PTTG1IP: variants seen among roughly 807,000 people sequenced by gnomAD.
PTTG1IP encodes the protein pituitary tumor-transforming gene 1 protein-interacting protein.
Under a neutral mutation model 24.4 loss-of-function variants are expected in PTTG1IP, and 16 were observed. The ratio of observed to expected loss-of-function variants is 0.66; its 90% CI spans 0.44 to 1.00. The LOEUF (loss-of-function observed/expected upper bound fraction) is 1.00. Among genes scored for constraint, PTTG1IP ranks in the 50% least tolerant of loss-of-function variants. PTTG1IP has a pLI of 0.00. For missense variants in PTTG1IP, 241 were observed against 245.8 expected, an observed-to-expected ratio of 0.98 and a Z score of 0.13; for synonymous variants, 89 against 96.8, an observed-to-expected ratio of 0.92 and a Z score of 0.47.
chr21:44,856,374 C>T lies in PTTG1IP; in HGVS notation c.278-10G>A, dbSNP rs187049337. ...AGCGCCTCAAAGTTCACTGGAGATT[C>T]AAGCACCTGGAGTTAGGGCCGCCCC... On this transcript the variant is annotated splice_polypyrimidine_tract_variant and intron_variant, in intron 3 of 5. Transcript: ENST00000330938. 1 of 1,605,630 alleles carries T rather than the reference C, an allele frequency of 6.2e-7. No homozygotes were observed. The highest frequency in any genetic ancestry group is 2.2e-5 in the East Asian group (1 of 44,796).
intron 1 of PTTG1IP, among the ~76,000 whole-genome samples, chr21:44,870,545 A>AAG (rs2083577012): frequency 7.6e-6 from 1 of 131,670 alleles, no homozygotes; most frequent in African/African-American, 4.1e-5. Flanking sequence ...AAAAAAAAAA[A>AAG]AAAGAAAGGC....
rs184677887 is a variant in PTTG1IP at position 44,851,105 on chromosome 21, C to G, written c.*476G>C. On this transcript the variant is annotated 3_prime_UTR_variant, in exon 6 of 6. Coordinates refer to ENST00000330938, the MANE Select transcript of PTTG1IP (RefSeq NM_004339.4). ...TCAACAGGTGTGAAGACTCAAGATG[C>G]GCACACAGACGCTGTCCGTGGTTTT... is the stretch of plus-strand genomic sequence containing the variant. 1.6e-5 allele frequency: 7 copies of G among 435,190 alleles called. No individual in the cohort carries two copies. The East Asian group carries it at 2.5e-4, about 16-fold the overall frequency. 27.0% of individuals were successfully genotyped at this position (435,190 alleles called of 1,614,324 possible).
intron 5 of PTTG1IP, 99 bp downstream of exon 5, chr21:44,855,111 C>T: frequency 1.6e-6 from 2 of 1,285,486 alleles, no homozygotes; most frequent in South Asian, 1.2e-5. Context: ...GATGGGTGAA[C>T]CCACAGCCCC....
intron 1 of PTTG1IP, 107 bp from the exon 2 acceptor site, chr21:44,865,554 C>A: frequency 9.0e-7 from 1 of 1,106,474 alleles, no homozygotes; most frequent in Non-Finnish European, 1.4e-6. Flanking sequence ...CACCAAGAAC[C>A]TCTGATGTGG....
chr21:44,864,044 A>T (rs2146465575), intron 2 of PTTG1IP, among the ~76,000 whole-genome samples: 1 of 152,344 alleles, frequency 6.6e-6, no homozygotes, highest in Admixed American at 6.5e-5. Context: ...CATCGAATAC[A>T]TCTTTCCCGG....
chr21:44,871,279 C>G (rs539113059), intron 1 of PTTG1IP, among the ~76,000 whole-genome samples: 4 of 152,334 alleles, frequency 2.6e-5, no homozygotes, highest in South Asian at 4.1e-4. Flanking sequence ...GGAGTCCCCA[C>G]TGTAAGGAGC....
chr21:44,859,928 A>G (rs1025263964), intron 3 of PTTG1IP, among the ~76,000 whole-genome samples: 2 of 152,246 alleles, frequency 1.3e-5, no homozygotes, highest in African/African-American at 2.4e-5. Context: ...AAAAAGAATC[A>G]TCAAAACACC....
chr21:44,868,690 A>G (rs1215679940), intron 1 of PTTG1IP, among the ~76,000 whole-genome samples: 1 of 152,248 alleles, frequency 6.6e-6, no homozygotes, highest in Non-Finnish European at 1.5e-5. Context: ...GAGAAGGCCG[A>G]GTGGCAAATG....
Position 44,855,229 on chromosome 21 carries a change from A to T in PTTG1IP, c.477T>A (p.Asp159Glu), listed in dbSNP as rs1206162158. ...ERRAEMKTRHDEIRKKYGLFK... is the reference protein window; with the variant it reads ...ERRAEMKTRHEEIRKKYGLFK... ...CCTTACCATATTTTTTTCTGATTTC[A>T]TCATGTCTTGTCTTCATCTCTGCTC... The change falls in exon 5 of 6, where the codon GAT becomes GAA. Residue 159 changes from aspartate to glutamate, a missense_variant. Asp to Glu is a conservative substitution (Grantham distance 45). Coordinates refer to ENST00000330938, the MANE Select transcript of PTTG1IP (RefSeq NM_004339.4). 6.2e-7 allele frequency: 1 copy of T among 1,612,732 alleles called. No individual in the cohort carries two copies. Among genetic ancestry groups the T allele is most frequent in the South Asian group, 1.1e-5 (1 of 91,036 alleles).
chr21:44,870,094 G>T (rs1052381152), intron 1 of PTTG1IP, among the ~76,000 whole-genome samples: 2 of 152,142 alleles, frequency 1.3e-5, no homozygotes, highest in African/African-American at 2.4e-5. Flanking sequence ...GAGAAAAACC[G>T]CCCAACATTC....
intron 2 of PTTG1IP, among the ~76,000 whole-genome samples, chr21:44,865,157 T>C (rs2083525673): frequency 6.6e-6 from 1 of 152,196 alleles, no homozygotes; most frequent in Admixed American, 6.5e-5. Context: ...CCCATCTGCA[T>C]AGGAGTGAAA....
intron 1 of PTTG1IP, 82 bp downstream of exon 1, chr21:44,873,420 C>A (rs1601262853): frequency 3.8e-5 from 45 of 1,198,980 alleles, no homozygotes; most frequent in Non-Finnish European, 4.6e-5. Context: ...AGCGCCCTGG[C>A]CGAAACCCCG....
Position 44,851,144 on chromosome 21 carries a change from A to G in PTTG1IP, c.*437T>C. On this transcript the variant is annotated 3_prime_UTR_variant, in exon 6 of 6. Coordinates refer to ENST00000330938, the MANE Select transcript of PTTG1IP (RefSeq NM_004339.4). ...GTCCGTGGTTTTATGGGGAATGATG[A>G]GGGCTGGTCAGTTCTCCTCATGACA... 1.8e-6 allele frequency: 1 copy of G among 543,120 alleles called. No homozygotes were observed. Among genetic ancestry groups the G allele is most frequent in the Non-Finnish European group, 3.2e-6 (1 of 312,610 alleles). 33.6% of individuals were successfully genotyped at this position (543,120 alleles called of 1,614,324 possible).
At chr21:44,872,261 C>G (rs1408258864) in intron 1 of PTTG1IP, among the ~76,000 whole-genome samples, 1 of 152,244 alleles carries the variant, frequency 6.6e-6, no homozygotes, top group Non-Finnish European at 1.5e-5. Context: ...AACTTCAAGG[C>G]AGCTGCATTG....
At chr21:44,868,402 G>C (rs2083559246) in intron 1 of PTTG1IP, among the ~76,000 whole-genome samples, 1 of 152,192 alleles carries the variant, frequency 6.6e-6, no homozygotes, top group African/African-American at 2.4e-5. Flanking sequence ...GTGTATTCTT[G>C]GTGCCCAGGT....
At chr21:44,865,083 C>G (rs1165123376) in intron 2 of PTTG1IP, among the ~76,000 whole-genome samples, 6 of 152,212 alleles carry the variant, frequency 3.9e-5, no homozygotes, top group African/African-American at 1.4e-4. Flanking sequence ...GAGGGTGTAG[C>G]TTTGCGGACA....
intron 2 of PTTG1IP, chr21:44,861,647 G>T: frequency 1.4e-6 from 1 of 705,808 alleles, no homozygotes; most frequent in South Asian, 1.5e-5. Context: ...CCACATCTGT[G>T]TGGCTCCCCA....
At chr21:44,854,748 C>G (rs886220689) in intron 5 of PTTG1IP, among the ~76,000 whole-genome samples, 1 of 152,328 alleles carries the variant, frequency 6.6e-6, no homozygotes, top group South Asian at 2.1e-4. Context: ...AAGAACAGAA[C>G]GCCGAGGCTG....
intron 1 of PTTG1IP, among the ~76,000 whole-genome samples, chr21:44,869,860 T>C (rs927702480): frequency 6.6e-6 from 1 of 152,186 alleles, no homozygotes; most frequent in Non-Finnish European, 1.5e-5. Context: ...GTGTGCTTCC[T>C]CTCCTCAGCC....
Sources: gnomAD v4.1 joint callset for allele counts (sites outside exome capture counted in the v4.1 genomes callset) on GRCh38, gnomAD v4.1.1 for gene constraint, MANE v1.5 for transcripts, NCBI Gene and HGNC (gene_info 2026-07-23, HGNC 2026-07-21) for gene names.